The following FAM163A variants were observed in gnomAD, a reference collection of about 807,000 sequenced individuals.
FAM163A encodes protein FAM163A.
In FAM163A, 7 loss-of-function variants were observed where a neutral mutation model predicts 12.0. The observed-to-expected ratio is 0.58, with a 90% CI of 0.33 to 1.10. The LOEUF (loss-of-function observed/expected upper bound fraction) is 1.10. FAM163A is among the 50% of genes least tolerant of loss of function. The pLI is 0.03. For missense variants in FAM163A, 202 were observed against 218.6 expected, an observed-to-expected ratio of 0.92 and a Z score of 0.48; for synonymous variants, 101 against 91.0, an observed-to-expected ratio of 1.11 and a Z score of -0.62.
At chr1:179,794,287 C>G (rs575769390) in intron 1 of FAM163A, among the ~76,000 whole-genome samples, 95 of 152,342 alleles carry the variant, frequency 6.2e-4, no homozygotes, top group African/African-American at 1.9e-3. Flanking sequence ...TCTCACACTT[C>G]AGTGTCCAAA....
chr1:179,754,287 TC>T (rs1685702401), intron 1 of FAM163A, among the ~76,000 whole-genome samples: 1 of 152,062 alleles, frequency 6.6e-6, no homozygotes, highest in Non-Finnish European at 1.5e-5. Context: ...ATTTAAGAGC[TC>T]AATCTCTTCT....
intron 1 of FAM163A, among the ~76,000 whole-genome samples, chr1:179,750,867 T>C (rs1203125444): frequency 6.6e-6 from 1 of 152,144 alleles, no homozygotes; most frequent in African/African-American, 2.4e-5. Context: ...GGAAAGTTTG[T>C]AGTGGTGGTG....
upstream of FAM163A, among the ~76,000 whole-genome samples, chr1:179,739,397 A>G (rs1683369353): frequency 6.6e-6 from 1 of 152,248 alleles, no homozygotes; most frequent in African/African-American, 2.4e-5. Context: ...TGCAAGCCAC[A>G]GATCTGAAAA....
At chr1:179,794,334 G>A (rs1691959523) in intron 1 of FAM163A, among the ~76,000 whole-genome samples, 1 of 152,198 alleles carries the variant, frequency 6.6e-6, no homozygotes, top group East Asian at 1.9e-4. Flanking sequence ...CCTGGTTTAT[G>A]CCAGTTGTCC....
chr1:179,787,908 G>T (rs181998525), intron 1 of FAM163A, among the ~76,000 whole-genome samples: 8 of 152,294 alleles, frequency 5.3e-5, no homozygotes, highest in Admixed American at 5.2e-4. Flanking sequence ...AGACACCCTG[G>T]GTCTGGGTGA....
intron 1 of FAM163A, among the ~76,000 whole-genome samples, chr1:179,798,152 C>G (rs1692630001): frequency 6.6e-6 from 1 of 152,068 alleles, no homozygotes; most frequent in Non-Finnish European, 1.5e-5. Context: ...AACGCTTGAG[C>G]CTGGGAAGTG....
upstream of FAM163A, among the ~76,000 whole-genome samples, chr1:179,741,537 AGT>A (rs2147924146): frequency 6.6e-6 from 1 of 152,380 alleles, no homozygotes; most frequent in East Asian, 1.9e-4. Context: ...AAATATCTAA[AGT>A]GCCAGAATGG....
intron 1 of FAM163A, among the ~76,000 whole-genome samples, chr1:179,803,574 ATTTT>A (rs1693490986): frequency 6.7e-6 from 1 of 149,906 alleles, no homozygotes; most frequent in African/African-American, 2.5e-5. Flanking sequence ...TTTTTTTTTT[ATTTT>A]TTATTTTAAG....
At chr1:179,777,431 G>C (rs1689129665) in intron 1 of FAM163A, among the ~76,000 whole-genome samples, 1 of 152,280 alleles carries the variant, frequency 6.6e-6, no homozygotes, top group East Asian at 1.9e-4. Flanking sequence ...GGGTGAGTTA[G>C]ACAAGGAGGC....
chr1:179,808,700 C>T (rs543316625), intron 2 of FAM163A, among the ~76,000 whole-genome samples: 95 of 152,326 alleles, frequency 6.2e-4, no homozygotes, highest in African/African-American at 2.3e-3. Context: ...AAGTTACAGG[C>T]CACACCCATA....
chr1:179,814,090 A>G lies in FAM163A; in HGVS notation c.405A>G (p.Pro135=), dbSNP rs376611873. ...APTYYKEGGP[P]SLKLAAPQSY... ...CATACTACAAAGAGGGGGGACCCCC[A>G]TCCCTCAAATTGGCAGCACCCCAGA... Residue 135 remains proline (P), a synonymous_variant, in exon 5 of 5, where the codon CCA becomes CCG. Coordinates refer to ENST00000341785, the MANE Select transcript of FAM163A (RefSeq NM_173509.3). 1 of 1,614,034 alleles carries G rather than the reference A, an allele frequency of 6.2e-7. No homozygotes were observed. Among genetic ancestry groups the G allele is most frequent in the African/African-American group, 1.3e-5 (1 of 74,924 alleles).
intron 1 of FAM163A, among the ~76,000 whole-genome samples, chr1:179,785,732 C>G (rs1412606356): frequency 1.3e-5 from 2 of 152,146 alleles, no homozygotes; most frequent in African/African-American, 2.4e-5. Flanking sequence ...TATATGTACA[C>G]ATTTGTTTTG....
chr1:179,739,814 C>T (rs1324941228), upstream of FAM163A, among the ~76,000 whole-genome samples: 2 of 152,164 alleles, frequency 1.3e-5, no homozygotes, highest in African/African-American at 4.8e-5. Flanking sequence ...AGACGTCTGA[C>T]ATCAGTAGTC....
chr1:179,735,858 G>A, the FAM163A span, among the ~76,000 whole-genome samples: 1 of 152,168 alleles, frequency 6.6e-6, no homozygotes, highest in African/African-American at 2.4e-5. Flanking sequence ...ACTCGCACTT[G>A]CATGGGCTGG....
intron 1 of FAM163A, among the ~76,000 whole-genome samples, chr1:179,766,773 GA>G (rs1475547201): frequency 6.6e-6 from 1 of 150,798 alleles, no homozygotes; most frequent in Non-Finnish European, 1.5e-5. Flanking sequence ...TTTCGGTTTG[GA>G]GACGTAGTTT....
chr1:179,728,075 T>C, the FAM163A span, among the ~76,000 whole-genome samples: 5 of 152,118 alleles, frequency 3.3e-5, no homozygotes, highest in Non-Finnish European at 5.9e-5. Context: ...AGCTGGAATA[T>C]TGTTGCACAG....
At chr1:179,803,726 G>A (rs866316435) in intron 1 of FAM163A, among the ~76,000 whole-genome samples, 2 of 151,542 alleles carry the variant, frequency 1.3e-5, no homozygotes, top group Non-Finnish European at 2.9e-5. Flanking sequence ...GTGCTACCAC[G>A]CCCGGCTAAT....
intron 1 of FAM163A, among the ~76,000 whole-genome samples, chr1:179,758,082 T>TCTCGAGGTAATATAC (rs1363802399): frequency 6.6e-6 from 1 of 152,084 alleles, no homozygotes; most frequent in East Asian, 1.9e-4. Flanking sequence ...GTTGAGAATA[T>TCTCGAGGTAATATAC]CTCGAGGGTA....
intron 1 of FAM163A, among the ~76,000 whole-genome samples, chr1:179,768,162 C>A (rs1687763038): frequency 6.6e-6 from 1 of 152,200 alleles, no homozygotes; most frequent in African/African-American, 2.4e-5. Context: ...TAGCATATGA[C>A]AGGATTTCCT....
Sources: gnomAD v4.1 joint callset for allele counts (sites outside exome capture counted in the v4.1 genomes callset) on GRCh38, gnomAD v4.1.1 for gene constraint, MANE v1.5 for transcripts, NCBI Gene and HGNC (gene_info 2026-07-23, HGNC 2026-07-21) for gene names.